The following RBMS3 variants were observed in gnomAD, a reference collection of about 807,000 sequenced individuals.
The protein encoded by RBMS3 is RNA binding motif single stranded interacting protein 3, also known as RNA-binding motif, single-stranded-interacting protein 3.
In RBMS3, 27 loss-of-function variants were observed where a neutral mutation model predicts 66.8. The observed-to-expected ratio is 0.40, with a 90% CI of 0.30 to 0.56. RBMS3 has a LOEUF of 0.56. Ranked by LOEUF, RBMS3 falls within the 20% of genes least tolerant of loss-of-function variation. RBMS3 has a pLI of 0.40. For synonymous variants in RBMS3, 188 were observed against 183.0 expected (o/e 1.03, Z -0.22); for missense variants, 513 against 549.5 (o/e 0.93, Z 0.66).
chr3:29,307,194 T>A (rs961929183), intron 1 of RBMS3, among the ~76,000 whole-genome samples: 2 of 151,932 alleles, frequency 1.3e-5, no homozygotes, highest in African/African-American at 4.8e-5. Context: ...TGTTTCCACC[T>A]GCATTGGTGT....
At chr3:29,556,665 G>A (rs2046378380) in intron 3 of RBMS3, among the ~76,000 whole-genome samples, 1 of 152,072 alleles carries the variant, frequency 6.6e-6, no homozygotes, top group South Asian at 2.1e-4. Flanking sequence ...TCAGTGCTCT[G>A]CACAGATCCC....
chr3:29,830,015 C>T (rs533042100), intron 6 of RBMS3, among the ~76,000 whole-genome samples: 5 of 151,886 alleles, frequency 3.3e-5, no homozygotes, highest in Admixed American at 6.6e-5. Context: ...GAGCTGTTTG[C>T]GAAAGTCTTG....
intron 6 of RBMS3, among the ~76,000 whole-genome samples, chr3:29,789,769 G>A (rs2056940230): frequency 6.6e-6 from 1 of 151,966 alleles, no homozygotes. Context: ...TGCATATATG[G>A]GCATTTTATG....
chr3:29,401,112 G>C (rs1279443859), intron 1 of RBMS3, among the ~76,000 whole-genome samples: 1 of 151,982 alleles, frequency 6.6e-6, no homozygotes, highest in Non-Finnish European at 1.5e-5. Context: ...TGTCATATGG[G>C]ATAAGATGAA....
At chr3:29,550,537 T>TGTATA (rs536608302) in intron 3 of RBMS3, among the ~76,000 whole-genome samples, 75 of 152,250 alleles carry the variant, frequency 4.9e-4, no homozygotes, top group African/African-American at 1.8e-3. Flanking sequence ...TAATTCAGCG[T>TGTATA]ATAGTGTATA....
intron 1 of RBMS3, among the ~76,000 whole-genome samples, chr3:29,339,608 A>T (rs926134497): frequency 6.6e-6 from 1 of 151,102 alleles, no homozygotes; most frequent in Non-Finnish European, 1.5e-5. Context: ...AGAAAGAATG[A>T]TGTGGTCAGA....
At chr3:30,002,299 G>C (rs1161623373) in intron 14 of RBMS3, among the ~76,000 whole-genome samples, 1 of 151,936 alleles carries the variant, frequency 6.6e-6, no homozygotes, top group African/African-American at 2.4e-5. Flanking sequence ...AGCTGCTAAA[G>C]AGATTCATGG....
intron 6 of RBMS3, among the ~76,000 whole-genome samples, chr3:29,850,503 T>C (rs7636414): frequency 0.027 from 4,042 of 152,192 alleles, 131 homozygotes; most frequent in East Asian, 0.11. Flanking sequence ...AAATTACATG[T>C]TTTTTTAGTT....
intron 14 of RBMS3, 194 bp downstream of exon 14, chr3:29,991,403 G>A: frequency 1.2e-6 from 1 of 801,372 alleles, no homozygotes; most frequent in Non-Finnish European, 1.9e-6. Flanking sequence ...ATCTTGACAG[G>A]AATCAAACAT....
chr3:29,899,583 A>G (rs2060204073), intron 9 of RBMS3, 122 bp from the exon 10 acceptor site: 4 of 744,778 alleles, frequency 5.4e-6, no homozygotes, highest in African/African-American at 1.8e-5. Context: ...GGTTTTGAGC[A>G]CGAATTAACT....
intron 3 of RBMS3, among the ~76,000 whole-genome samples, chr3:29,493,491 G>A (rs1380184006): frequency 6.6e-6 from 1 of 152,162 alleles, no homozygotes; most frequent in African/African-American, 2.4e-5. Context: ...GAAAATGTTT[G>A]ACGATATCTC....
chr3:29,440,904 G>A (rs924888850), intron 2 of RBMS3, among the ~76,000 whole-genome samples: 3 of 152,182 alleles, frequency 2.0e-5, no homozygotes, highest in African/African-American at 7.2e-5. Context: ...TAATCTGTCA[G>A]ACTGTTCAGA....
intron 3 of RBMS3, among the ~76,000 whole-genome samples, chr3:29,507,066 G>A (rs9990399): frequency 0.081 from 11,838 of 145,286 alleles, 827 homozygotes; most frequent in East Asian, 0.37. Flanking sequence ...TTCTAGTTCT[G>A]CTTCACTTAT....
intron 8 of RBMS3, among the ~76,000 whole-genome samples, chr3:29,886,383 G>A (rs1320599266): frequency 2.0e-5 from 3 of 151,816 alleles, no homozygotes; most frequent in African/African-American, 4.8e-5. Context: ...GCTGGGAATC[G>A]AATGCCAGTC....
chr3:29,367,160 A>G (rs576049578), intron 1 of RBMS3, among the ~76,000 whole-genome samples: 1 of 152,248 alleles, frequency 6.6e-6, no homozygotes, highest in African/African-American at 2.4e-5. Context: ...ATGTTTTTCC[A>G]TTTTATGAAA....
intron 2 of RBMS3, among the ~76,000 whole-genome samples, chr3:29,467,642 C>A (rs565749347): frequency 2.0e-5 from 3 of 152,106 alleles, no homozygotes; most frequent in Non-Finnish European, 4.4e-5. Flanking sequence ...AAAGAAAAGC[C>A]AAGCTTAGAG....
intron 6 of RBMS3, among the ~76,000 whole-genome samples, chr3:29,849,935 C>A (rs1041760979): frequency 6.6e-6 from 1 of 152,036 alleles, no homozygotes; most frequent in Admixed American, 6.5e-5. Context: ...ATTATGAATG[C>A]CTGAATATTT....
At chr3:29,693,507 A>T (rs975952828) in intron 4 of RBMS3, among the ~76,000 whole-genome samples, 1 of 152,206 alleles carries the variant, frequency 6.6e-6, no homozygotes, top group Non-Finnish European at 1.5e-5. Flanking sequence ...GCTAAAATTT[A>T]GGGTCCACAT....
intron 6 of RBMS3, among the ~76,000 whole-genome samples, chr3:29,845,683 A>G (rs2058759694): frequency 6.6e-6 from 1 of 152,220 alleles, no homozygotes. Flanking sequence ...TTTTGCTCTC[A>G]TAATATTTGA....
Sources: gnomAD v4.1 joint callset for allele counts (sites outside exome capture counted in the v4.1 genomes callset) on GRCh38, gnomAD v4.1.1 for gene constraint, MANE v1.5 for transcripts, NCBI Gene and HGNC (gene_info 2026-07-23, HGNC 2026-07-21) for gene names.